CNTN5: variants seen among roughly 807,000 people sequenced by gnomAD.
The protein encoded by CNTN5 is contactin 5.
A neutral mutation model predicts 129.1 loss-of-function variants in CNTN5; 77 were observed. The observed-to-expected ratio is 0.60, with a 90% CI of 0.50 to 0.72. The LOEUF (loss-of-function observed/expected upper bound fraction) is 0.72, where lower values mean the gene tolerates loss of function less well. CNTN5 is among the 30% of genes least tolerant of loss of function. CNTN5 has a pLI of 0.00. For missense variants in CNTN5, 1,478 were observed against 1,328.8 expected, an observed-to-expected ratio of 1.11 and a Z score of -1.75; for synonymous variants, 509 against 465.6, an observed-to-expected ratio of 1.09 and a Z score of -1.20.
chr11:100,021,609 C>G (rs1941152799), intron 9 of CNTN5, among the ~76,000 whole-genome samples: 2 of 152,086 alleles, frequency 1.3e-5, no homozygotes, highest in South Asian at 4.1e-4. Flanking sequence ...TCAACTTTGT[C>G]TGATATTAAT....
intron 1 of CNTN5, among the ~76,000 whole-genome samples, chr11:99,117,263 T>C (rs963967070): frequency 3.3e-5 from 5 of 152,098 alleles, no homozygotes; most frequent in African/African-American, 1.2e-4. Flanking sequence ...AAATATGCAG[T>C]ATGATGAATT....
chr11:99,360,134 T>C (rs1565519956), intron 2 of CNTN5, among the ~76,000 whole-genome samples: 1 of 152,226 alleles, frequency 6.6e-6, no homozygotes, highest in Non-Finnish European at 1.5e-5. Context: ...TAATCTTCTT[T>C]GGTTCCATGG....
chr11:100,004,555 A>G lies in CNTN5; in HGVS notation c.980+2419A>G, dbSNP rs183983943. Among the ~76,000 whole-genome samples the G allele has an allele frequency of 5.3e-5, 8 of 152,318 alleles. No individual in the cohort carries two copies. In the East Asian group the frequency reaches 1.3e-3, roughly 26 times the overall value. On this transcript the variant is annotated intron_variant, in intron 9 of 24. Coordinates refer to ENST00000524871, the MANE Select transcript of CNTN5 (RefSeq NM_014361.4). The stretch of plus-strand genomic sequence containing the variant: ...ACGTGTTTCTCCACTTAAAACATTT[A>G]TCTGTGTCAGGATCCCAGATGTAAT...
At chr11:99,147,645 G>C (rs1859853034) in intron 1 of CNTN5, among the ~76,000 whole-genome samples, 1 of 152,012 alleles carries the variant, frequency 6.6e-6, no homozygotes, top group Admixed American at 6.6e-5. Flanking sequence ...TTCCCTACCA[G>C]GACAACAATT....
intron 3 of CNTN5, among the ~76,000 whole-genome samples, chr11:99,584,550 CTG>C (rs1480760731): frequency 1.3e-5 from 2 of 152,196 alleles, no homozygotes; most frequent in African/African-American, 4.8e-5. Context: ...GCACTAGCAA[CTG>C]TATTAAATAA....
chr11:99,801,629 C>CTT (rs71463594), intron 3 of CNTN5, among the ~76,000 whole-genome samples: 52,618 of 140,672 alleles, frequency 0.37, 9,604 homozygotes, highest in East Asian at 0.66. Flanking sequence ...TTTTTTAACT[C>CTT]TTTTTTAAAT....
rs534261283 is a variant in CNTN5, at chr11:99,120,841, T to G, written c.-210+99571T>G. 2.0e-4 allele frequency among the ~76,000 whole-genome samples: 30 copies of G among 152,278 alleles called. No homozygotes were observed. The East Asian group carries it at 5.4e-3, about 27-fold the overall frequency. The stretch of plus-strand genomic sequence containing the variant: ...TTCTAAATCTTGAATTTTCTCAAGA[T>G]TGGACAGGACTTTGGGTTAATTAAT... On this transcript the variant is annotated intron_variant, in intron 1 of 24. Transcript: ENST00000524871.
intron 3 of CNTN5, among the ~76,000 whole-genome samples, chr11:99,784,483 C>T (rs1443663604): frequency 6.7e-6 from 1 of 150,142 alleles, no homozygotes; most frequent in African/African-American, 2.4e-5. Context: ...TGAACCCATC[C>T]TTGGGTTGGT....
At chr11:99,188,837 A>G (rs1047492096) in intron 1 of CNTN5, among the ~76,000 whole-genome samples, 1 of 151,804 alleles carries the variant, frequency 6.6e-6, no homozygotes, top group Non-Finnish European at 1.5e-5. Context: ...ATTAACAGAC[A>G]TACTTCTATT....
At chr11:99,861,885 G>A (rs962410476) in intron 6 of CNTN5, among the ~76,000 whole-genome samples, 1 of 152,032 alleles carries the variant, frequency 6.6e-6, no homozygotes, top group Non-Finnish European at 1.5e-5. Flanking sequence ...GTTGTTGTGA[G>A]CATAAACTAA....
intron 2 of CNTN5, among the ~76,000 whole-genome samples, chr11:99,468,109 A>G (rs1945016063): frequency 6.6e-6 from 1 of 152,178 alleles, no homozygotes; most frequent in African/African-American, 2.4e-5. Context: ...ATCCAGCTGT[A>G]GATACATAAA....
chr11:99,715,951 C>A (rs559158412), intron 3 of CNTN5, among the ~76,000 whole-genome samples: 1 of 151,828 alleles, frequency 6.6e-6, no homozygotes, highest in East Asian at 2.0e-4. Flanking sequence ...ATCCTTAGAA[C>A]AAGAATATAA....
rs186714860 is a variant in CNTN5 at position 99,987,716 on chromosome 11, T to C, written c.878-14318T>C. 1.0e-3 allele frequency among the ~76,000 whole-genome samples: 153 copies of C among 152,092 alleles called. 2 individuals carry two copies. The highest frequency in any genetic ancestry group is 3.3e-3 in the African/African-American group (138 of 41,526). On this transcript the variant is annotated intron_variant, in intron 8 of 24. Transcript: ENST00000524871. ...TAAATAAATTCTTCCTTGCAAACAATATGAATGTTTCCTGGGGAGCAGAAT... is the reference window on the plus strand; with the variant it reads ...TAAATAAATTCTTCCTTGCAAACAACATGAATGTTTCCTGGGGAGCAGAAT...
chr11:99,061,816 A>G (rs1159839251), intron 1 of CNTN5, among the ~76,000 whole-genome samples: 2 of 151,954 alleles, frequency 1.3e-5, no homozygotes, highest in East Asian at 3.9e-4. Context: ...ACATAGTGAG[A>G]CCCTGTCTCA....
At chr11:99,158,133 T>C (rs868403615) in intron 1 of CNTN5, among the ~76,000 whole-genome samples, 124 of 152,298 alleles carry the variant, frequency 8.1e-4, no homozygotes, top group African/African-American at 2.9e-3. Context: ...TTTAGAGTCA[T>C]GTACTCACCT....
intron 4 of CNTN5, among the ~76,000 whole-genome samples, chr11:99,825,986 T>C (rs989256418): frequency 6.6e-6 from 1 of 152,158 alleles, no homozygotes; most frequent in Middle Eastern, 3.2e-3. Context: ...GATTCGTCTG[T>C]TCTTCATTTC....
chr11:99,283,145 T>A (rs1297616527), intron 1 of CNTN5, among the ~76,000 whole-genome samples: 2 of 152,096 alleles, frequency 1.3e-5, no homozygotes, highest in Admixed American at 6.6e-5. Context: ...AACCACCTTC[T>A]CTGAGTTCTC....
At chr11:99,085,952 C>T (rs904449416) in intron 1 of CNTN5, among the ~76,000 whole-genome samples, 7 of 152,034 alleles carry the variant, frequency 4.6e-5, no homozygotes, top group African/African-American at 1.2e-4. Flanking sequence ...CTGCAGTATT[C>T]AGAACAGTAA....
intron 8 of CNTN5, among the ~76,000 whole-genome samples, chr11:99,996,266 T>C (rs6590495): frequency 0.38 from 57,326 of 151,908 alleles, 12,315 homozygotes; most frequent in African/African-American, 0.59. Flanking sequence ...TATCTTGTAT[T>C]ACTGAAGTAA....
Sources: gnomAD v4.1 joint callset for allele counts (sites outside exome capture counted in the v4.1 genomes callset) on GRCh38, gnomAD v4.1.1 for gene constraint, MANE v1.5 for transcripts, NCBI Gene and HGNC (gene_info 2026-07-23, HGNC 2026-07-21) for gene names.